The following ITGA3 variants were observed in gnomAD, a reference collection of about 807,000 sequenced individuals.
ITGA3 encodes integrin alpha-3.
ITGA3 carries 70 observed loss-of-function variants against 131.1 expected under a neutral mutation model. The ratio of observed to expected loss-of-function variants is 0.53; its 90% CI spans 0.44 to 0.65. ITGA3 has a LOEUF of 0.65. Ranked by LOEUF, ITGA3 falls within the 30% of genes least tolerant of loss-of-function variation. ITGA3 has a pLI of 0.00. For missense variants in ITGA3, 1,098 were observed against 1,388.6 expected (o/e 0.79, Z 3.33); for synonymous variants, 537 against 571.6 (o/e 0.94, Z 0.86).
chr17:50,087,647 G>T, intron 23 of ITGA3, 97 bp from the exon 24 acceptor site: 6 of 1,407,408 alleles, frequency 4.3e-6, no homozygotes, highest in Non-Finnish European at 5.8e-6. Flanking sequence ...CTGGCAGCAG[G>T]ACAAACAGCA....
At chr17:50,083,135 T>A (rs1419437111) in intron 23 of ITGA3, among the ~76,000 whole-genome samples, 1 of 152,184 alleles carries the variant, frequency 6.6e-6, no homozygotes, top group African/African-American at 2.4e-5. Flanking sequence ...AACTTTATGG[T>A]ACAGATGGCA....
rs200708238 is a variant in ITGA3, at chr17:50,087,744, T to C, written c.2920T>C (p.Phe974Leu). The change falls in exon 24 of 26, where the codon TTC (phenylalanine) becomes CTC (leucine). Residue 974 changes from phenylalanine to leucine, a missense_variant and splice_region_variant. By Grantham distance (22) the Phe-to-Leu change is conservative. This residue lies in a region of ITGA3 where 699 missense variants were observed against 829.2 expected (regional missense o/e 0.84). Coordinates refer to ENST00000320031, the MANE Select transcript of ITGA3 (RefSeq NM_002204.4). ...TINMENKTTW[F>L]SVDIDSELVE... The stretch of plus-strand genomic sequence containing the variant: ...CTGAGTCCTCCTCTCCCCGCTCCAG[T>C]TCTCTGTGGACATTGACTCGGAGCT... 1 of 1,612,654 alleles carries C rather than the reference T, an allele frequency of 6.2e-7. No homozygotes were observed. The highest frequency in any genetic ancestry group is 2.2e-5 in the East Asian group (1 of 44,866).
intron 25 of ITGA3, 128 bp downstream of exon 25, chr17:50,088,494 A>G: frequency 1.7e-6 from 1 of 586,184 alleles, no homozygotes; most frequent in Non-Finnish European, 3.1e-6. Flanking sequence ...CACCCCAAAG[A>G]TCAGGTCACT....
In ITGA3 at chr17:50,085,579, G is replaced by A. The variant is rs563117281; in HGVS notation, c.2920-2165G>A. Among the ~76,000 whole-genome samples, 73 of 151,726 alleles carry A rather than the reference G, an allele frequency of 4.8e-4. 2 individuals carry two copies. In the South Asian group the frequency reaches 0.013, roughly 26 times the overall value. On this transcript the variant is annotated intron_variant, in intron 23 of 25. Coordinates refer to ENST00000320031, the MANE Select transcript of ITGA3 (RefSeq NM_002204.4). ...CTCAGGAGGCTGAGGCAGGAGAATT[G>A]CTTGAGCCCAGGAGGCAGAGGTTGC...
intron 9 of ITGA3, 59 bp from the exon 10 acceptor site, chr17:50,074,389 A>G (rs1204710435): frequency 5.0e-6 from 8 of 1,596,894 alleles, no homozygotes; most frequent in South Asian, 1.1e-5. Context: ...CTGGGCCCCA[A>G]CTCTGGCCTG....
At chr17:50,078,309 C>A in intron 18 of ITGA3, 25 bp downstream of exon 18, 4 of 1,593,620 alleles carry the variant, frequency 2.5e-6, no homozygotes, top group South Asian at 2.2e-5. Flanking sequence ...CCACCACCCC[C>A]ACCCCAGCCT....
chr17:50,066,689 C>G (rs976179526), intron 3 of ITGA3, among the ~76,000 whole-genome samples: 1 of 151,986 alleles, frequency 6.6e-6, no homozygotes, highest in Non-Finnish European at 1.5e-5. Context: ...GTGGGAGGAT[C>G]ACTTGAACCC....
At position 50,080,306 on chromosome 17, in the gene ITGA3, C is replaced by T. The variant is rs1487894613; in HGVS notation, c.2751C>T (p.Pro917=). The change falls in exon 22 of 26, where the codon CCC becomes CCT. Residue 917 remains proline (P), a synonymous_variant. Transcript: ENST00000320031. ...GRAHCVWLEC[P]IPDAPVVTNV... ...CCCACTGTGTGTGGCTAGAGTGCCC[C>T]ATCCCTGATGCCCCCGTTGTCACCA... The T allele has an allele frequency of 3.1e-6, 5 of 1,613,482 alleles. No homozygotes were observed. Among genetic ancestry groups the T allele is most frequent in the African/African-American group, 1.3e-5 (1 of 74,924 alleles).
chr17:50,064,718 G>T lies in ITGA3; in HGVS notation c.414+111G>T. 1.2e-6 allele frequency: 1 copy of T among 820,916 alleles called. No homozygotes were observed. The highest frequency in any genetic ancestry group is 2.0e-6 in the Non-Finnish European group (1 of 512,562). The allele number at this position is 820,916 out of a possible 1,614,324, so 50.9% of individuals were successfully genotyped here. ...GGGGGGTCCACGGCGCGTGTGTGCT[G>T]GGGCCTGCACACATGTCCCTTCCTG... On this transcript the variant is annotated intron_variant, in intron 3 of 25. Transcript: ENST00000320031. The surrounding 1 kb of genome is among the most constrained non-coding windows in gnomAD (Gnocchi z 4.4).
At chr17:50,085,969 ATAT>A (rs1166608150) in intron 23 of ITGA3, among the ~76,000 whole-genome samples, 1 of 131,982 alleles carries the variant, frequency 7.6e-6, no homozygotes, top group African/African-American at 2.9e-5. Flanking sequence ...TAGATTATAC[ATAT>A]TATAGATTTA....
rs996718391 is a variant in ITGA3 at position 50,088,373 on chromosome 17, C to A, written c.*31+7C>A. On this transcript the variant is annotated splice_region_variant and intron_variant, in intron 25 of 25. Coordinates refer to ENST00000320031, the MANE Select transcript of ITGA3 (RefSeq NM_002204.4). Reference sequence around the variant, plus strand: ...CCGCCCCCGGCCCACCTGGGTAACACGGCCTCCGGGCCCCCTTCCCCGAGC... The same window carrying A: ...CCGCCCCCGGCCCACCTGGGTAACAAGGCCTCCGGGCCCCCTTCCCCGAGC... 6.8e-7 allele frequency: 1 copy of A among 1,467,412 alleles called. No individual in the cohort carries two copies. The highest frequency in any genetic ancestry group is 9.3e-7 in the Non-Finnish European group (1 of 1,071,596). 90.9% of individuals were successfully genotyped at this position (1,467,412 alleles called of 1,614,324 possible).
chr17:50,085,265 A>G (rs1909337778), intron 23 of ITGA3, among the ~76,000 whole-genome samples: 1 of 151,960 alleles, frequency 6.6e-6, no homozygotes, highest in South Asian at 2.1e-4. Flanking sequence ...TGAAGGGTGT[A>G]TGTGACATGA....
rs1489709725 is a variant in ITGA3 at position 50,056,544 on chromosome 17, G to A, written c.105G>A (p.Leu35=). 1 of 1,561,062 alleles carries A rather than the reference G, an allele frequency of 6.4e-7. No individual in the cohort carries two copies. Among genetic ancestry groups the A allele is most frequent in the Non-Finnish European group, 8.7e-7 (1 of 1,153,488 alleles). Residue 35 remains leucine (L), a synonymous_variant, in exon 1 of 26, where the codon CTG becomes CTA. Coordinates refer to ENST00000320031, the MANE Select transcript of ITGA3 (RefSeq NM_002204.4). This position sits in a 1 kb window ranked among gnomAD's most constrained non-coding sequence, Gnocchi z 5.6. ...GCTGCGTCGTCTCCGCCTTCAACCT[G>A]GATACCCGATTCCTGGTAGTGAAGG... The part of the protein sequence containing the change: ...AGGCVVSAFN[L]DTRFLVVKEA...
At chr17:50,070,427 C>G (rs1352698332) in intron 4 of ITGA3, among the ~76,000 whole-genome samples, 2 of 152,140 alleles carry the variant, frequency 1.3e-5, no homozygotes, top group African/African-American at 4.8e-5. Flanking sequence ...AGATGGATCA[C>G]TTGAGGCCAG....
chr17:50,082,121 G>A (rs972173074), intron 23 of ITGA3, among the ~76,000 whole-genome samples: 3 of 152,110 alleles, frequency 2.0e-5, no homozygotes, highest in Non-Finnish European at 4.4e-5. Context: ...CTGAGTAGCT[G>A]AGACTACAGC....
rs749246331 is a variant in ITGA3 at position 50,078,296 on chromosome 17, T to C, written c.2297+12T>C. The stretch of plus-strand genomic sequence containing the variant: ...ACCTCGCTTAGCATGTGGGTACCGC[T>C]CTCCACCACCCCCACCCCAGCCTGC... On this transcript the variant is annotated intron_variant, in intron 18 of 25. Transcript: ENST00000320031. The C allele has an allele frequency of 1.1e-5, 17 of 1,607,998 alleles. No homozygotes were observed. The highest frequency in any genetic ancestry group is 1.4e-5 in the Non-Finnish European group (16 of 1,175,582).
chr17:50,074,611 C>A, intron 10 of ITGA3, 77 bp downstream of exon 10: 2 of 962,446 alleles, frequency 2.1e-6, no homozygotes, highest in South Asian at 1.4e-5. Context: ...AAACCCCTCC[C>A]CTGGCCTCCT....
intron 25 of ITGA3, 74 bp from the exon 26 acceptor site, chr17:50,089,035 GA>G: frequency 8.6e-7 from 1 of 1,161,668 alleles, no homozygotes; most frequent in Non-Finnish European, 1.3e-6. Context: ...GTGGGAGAGG[GA>G]GAGGCCTGGC....
chr17:50,063,001 G>C lies in ITGA3; in HGVS notation c.207-1076G>C, dbSNP rs557371757. Among the ~76,000 whole-genome samples the C allele has an allele frequency of 2.8e-4, 42 of 152,376 alleles. No individual in the cohort carries two copies. The East Asian group carries it at 8.1e-3, about 29-fold the overall frequency. ...AACTGGGGTGCACCAGATTCCACCA[G>C]ATGGTGTGTTGTGGGCAGAGGAATC... On this transcript the variant is annotated intron_variant, in intron 1 of 25. Transcript: ENST00000320031.
Sources: allele counts gnomAD v4.1 joint callset (sites outside exome capture counted in the v4.1 genomes callset), GRCh38; gene constraint gnomAD v4.1.1; regional missense constraint gnomAD v4.1.1; non-coding constraint Gnocchi (gnomAD v3.1); transcripts MANE v1.5; gene names NCBI Gene and HGNC (gene_info 2026-07-23, HGNC 2026-07-21).